LTBP1: variants seen among roughly 807,000 people sequenced by gnomAD.
LTBP1 encodes the protein latent transforming growth factor beta binding protein 1.
A neutral mutation model predicts 207.6 loss-of-function variants in LTBP1; 129 were observed. The observed-to-expected ratio is 0.62, with a 90% CI of 0.54 to 0.72. The LOEUF is 0.72. Among genes scored for constraint, LTBP1 ranks in the 30% least tolerant of loss-of-function variants. LTBP1 has a pLI of 0.00. For synonymous variants in LTBP1, 963 were observed against 833.7 expected, an observed-to-expected ratio of 1.16 and a Z score of -2.67; for missense variants, 2,281 against 2,217.2, an observed-to-expected ratio of 1.03 and a Z score of -0.58.
chr2:33,172,849 C>A (rs1409666039), intron 5 of LTBP1, among the ~76,000 whole-genome samples: 1 of 152,138 alleles, frequency 6.6e-6, no homozygotes, highest in Non-Finnish European at 1.5e-5. Context: ...GATTAAGAAA[C>A]TCACTCAAAA....
chr2:32,969,229 T>TGTGTGTGTGTGTGTG (rs575035380), intron 2 of LTBP1, among the ~76,000 whole-genome samples: 8 of 131,710 alleles, frequency 6.1e-5, no homozygotes, highest in African/African-American at 2.3e-4. Flanking sequence ...CCTGGCCAAT[T>TGTGTGTGTGTGTGTG]TGTGTGTGTG....
chr2:33,214,429 C>T (rs1341289655), intron 7 of LTBP1, among the ~76,000 whole-genome samples: 1 of 152,170 alleles, frequency 6.6e-6, no homozygotes, highest in African/African-American at 2.4e-5. Flanking sequence ...CTGTCTCTCC[C>T]TCTTCTTCTC....
In LTBP1 at chr2:33,315,166, A is replaced by G; in HGVS notation, c.3627A>G (p.Pro1209=). 6.2e-7 allele frequency: 1 copy of G among 1,605,026 alleles called. No homozygotes were observed. The highest frequency in any genetic ancestry group is 1.3e-5 in the African/African-American group (1 of 74,426). The part of the protein sequence containing the change: ...TCQDINECEH[P]GLCGPQGECL... ...CAGATATTAATGAATGTGAACATCC[A>G]GGGCTCTGTGGTCCGCAAGGGGAGT... The change falls in exon 24 of 34, where the codon CCA becomes CCG. Residue 1209 remains proline (P), a synonymous_variant. Transcript: ENST00000404816.
chr2:33,049,635 C>T (rs1042813553), intron 3 of LTBP1, among the ~76,000 whole-genome samples: 3 of 152,072 alleles, frequency 2.0e-5, no homozygotes, highest in Non-Finnish European at 4.4e-5. Context: ...ATTTAAATTT[C>T]ATTTTTATCT....
Position 33,056,894 on chromosome 2 carries a change from C to T in LTBP1, c.863+35688C>T, listed in dbSNP as rs549830049. Among the ~76,000 whole-genome samples the T allele has an allele frequency of 4.6e-5, 7 of 152,176 alleles. No homozygotes were observed. The South Asian group carries it at 8.3e-4, about 18-fold the overall frequency. The stretch of plus-strand genomic sequence containing the variant: ...TTATCCGGCCCCACCCACATCCTGC[C>T]GATTGGTCCATTTTACAGAGAGCCA... On this transcript the variant is annotated intron_variant, in intron 3 of 33. Transcript: ENST00000404816.
intron 19 of LTBP1, among the ~76,000 whole-genome samples, chr2:33,292,535 A>G (rs1415013045): frequency 2.0e-5 from 3 of 152,228 alleles, no homozygotes; most frequent in African/African-American, 7.2e-5. Context: ...TTTAATGCCC[A>G]CATGTAGCAA....
chr2:33,302,222 T>A (rs1321505384), intron 22 of LTBP1, among the ~76,000 whole-genome samples: 1 of 152,196 alleles, frequency 6.6e-6, no homozygotes, highest in Admixed American at 6.5e-5. Context: ...TCTTTTTCAC[T>A]TTTACCACCG....
At chr2:33,206,196 A>C (rs998304284) in intron 7 of LTBP1, among the ~76,000 whole-genome samples, 2 of 152,138 alleles carry the variant, frequency 1.3e-5, no homozygotes, top group Non-Finnish European at 2.9e-5. Context: ...CAGGGATCTA[A>C]ATGAACCTGT....
At chr2:33,255,688 TA>T (rs1436364603) in intron 11 of LTBP1, among the ~76,000 whole-genome samples, 2 of 152,174 alleles carry the variant, frequency 1.3e-5, no homozygotes, top group African/African-American at 4.8e-5. Flanking sequence ...TTTTCCTAGT[TA>T]AACATAAGAA....
At chr2:33,056,413 C>A in intron 3 of LTBP1, 1 of 1,108,142 alleles carries the variant, frequency 9.0e-7, no homozygotes, top group Non-Finnish European at 1.2e-6. Context: ...CCGCCCTGGG[C>A]GATGGTGACT....
chr2:33,238,926 GGTT>G (rs2092182021), intron 9 of LTBP1, among the ~76,000 whole-genome samples: 1 of 152,062 alleles, frequency 6.6e-6, no homozygotes, highest in African/African-American at 2.4e-5. Flanking sequence ...TTTTATGTTG[GGTT>G]GTTCATAGGG....
chr2:33,307,994 C>T (rs1351370874), intron 22 of LTBP1, among the ~76,000 whole-genome samples: 1 of 152,210 alleles, frequency 6.6e-6, no homozygotes, highest in African/African-American at 2.4e-5. Context: ...TGGCAACAGT[C>T]TCCATATTCA....
intron 2 of LTBP1, among the ~76,000 whole-genome samples, chr2:32,971,960 A>G (rs1337980248): frequency 6.6e-6 from 1 of 152,036 alleles, no homozygotes; most frequent in Non-Finnish European, 1.5e-5. Flanking sequence ...TCTTTTTATT[A>G]CTGATTGAAT....
At chr2:33,296,366 G>C (rs930903033) in intron 20 of LTBP1, among the ~76,000 whole-genome samples, 2 of 152,004 alleles carry the variant, frequency 1.3e-5, no homozygotes, top group Admixed American at 6.6e-5. Flanking sequence ...ACTGCCCTGT[G>C]AAGATTCTTC....
chr2:33,157,784 C>T (rs987613869), intron 5 of LTBP1, among the ~76,000 whole-genome samples: 3 of 152,118 alleles, frequency 2.0e-5, no homozygotes, highest in South Asian at 2.1e-4. Flanking sequence ...GACCTGTGCC[C>T]ACCCAAATAA....
intron 5 of LTBP1, among the ~76,000 whole-genome samples, chr2:33,154,667 C>T (rs1457683242): frequency 6.6e-6 from 1 of 151,128 alleles, no homozygotes; most frequent in East Asian, 1.9e-4. Flanking sequence ...TCTTAGTATA[C>T]ATTTGTGAAT....
chr2:33,228,018 G>A (rs1432078945), intron 9 of LTBP1, among the ~76,000 whole-genome samples: 1 of 151,840 alleles, frequency 6.6e-6, no homozygotes, highest in African/African-American at 2.4e-5. Flanking sequence ...TGTTGGCCAG[G>A]AATGTCTTGA....
intron 6 of LTBP1, 41 bp from the exon 7 acceptor site, chr2:33,188,536 G>A: frequency 6.6e-7 from 1 of 1,522,740 alleles, no homozygotes; most frequent in Non-Finnish European, 8.9e-7. Context: ...TTGCCTGTTA[G>A]TTATTCAGGA....
chr2:33,279,348 AT>A (rs1051660429), intron 18 of LTBP1, among the ~76,000 whole-genome samples: 1 of 152,044 alleles, frequency 6.6e-6, no homozygotes, highest in African/African-American at 2.4e-5. Flanking sequence ...ATTTTAGGAG[AT>A]TTTTTTCTCC....
Sources: gnomAD v4.1 joint callset for allele counts (sites outside exome capture counted in the v4.1 genomes callset) on GRCh38, gnomAD v4.1.1 for gene constraint, MANE v1.5 for transcripts, NCBI Gene and HGNC (gene_info 2026-07-23, HGNC 2026-07-21) for gene names.